Variants in STAU2 observed in about 807,000 individuals in gnomAD.
STAU2 encodes the protein double-stranded RNA-binding protein Staufen homolog 2.
STAU2 carries 20 observed loss-of-function variants against 65.9 expected under a neutral mutation model. That is an observed-to-expected ratio of 0.30 (90% confidence interval 0.21 to 0.44). STAU2 has a LOEUF of 0.44. STAU2 is among the 20% of genes least tolerant of loss of function. STAU2 has a pLI of 1.00. For missense variants in STAU2, 558 were observed against 683.9 expected, an observed-to-expected ratio of 0.82 and a Z score of 2.05; for synonymous variants, 232 against 233.9, an observed-to-expected ratio of 0.99 and a Z score of 0.07.
chr8:73,498,906 T>C (rs1585879668), intron 13 of STAU2, among the ~76,000 whole-genome samples: 1 of 152,002 alleles, frequency 6.6e-6, no homozygotes, highest in East Asian at 1.9e-4. Context: ...TAGATGTTCC[T>C]GTGAAGACAT....
Position 73,709,085 on chromosome 8 carries a change from T to C in STAU2, c.61A>G (p.Arg21Gly). ...AGAAGTTTATACTGGGGTTGGACTC[T>C]ATTGAAACGGGCTAACTCATTTACC... ...CLVNELARFN[R>G]VQPQYKLLNE... The change falls in exon 4 of 15, where the codon AGA becomes GGA. Residue 21 changes from arginine to glycine, a missense_variant. Coordinates refer to ENST00000524300, the MANE Select transcript of STAU2 (RefSeq NM_001164380.2). 1 of 1,533,966 alleles carries C rather than the reference T, an allele frequency of 6.5e-7. No individual in the cohort carries two copies.
chr8:73,699,176 G>T (rs1409277927), intron 4 of STAU2, among the ~76,000 whole-genome samples: 1 of 151,982 alleles, frequency 6.6e-6, no homozygotes, highest in Non-Finnish European at 1.5e-5. Context: ...AGCAAAAGCA[G>T]TACTCAGAGG....
chr8:73,639,247 T>C (rs1400645810), intron 6 of STAU2, among the ~76,000 whole-genome samples: 2 of 152,092 alleles, frequency 1.3e-5, no homozygotes, highest in South Asian at 2.1e-4. Flanking sequence ...TAATAGTATA[T>C]TTTATTCAAT....
In STAU2 at chr8:73,511,650, C is replaced by T. The variant is rs574755652; in HGVS notation, c.1530+40362G>A. ...TTGTCTTTGCCCACAACCACGTCCC[C>T]CACTTTTCCGCCCCTCCCATGTGGG... On this transcript the variant is annotated intron_variant, in intron 13 of 14. Transcript: ENST00000524300. 3.3e-5 allele frequency: 5 copies of T among 152,888 alleles called. No homozygotes were observed. The East Asian group carries it at 9.7e-4, about 30-fold the overall frequency. The allele number at this position is 152,888 out of a possible 1,614,324, so 9.5% of individuals were successfully genotyped here. A position where few individuals can be genotyped will look rare whatever the true frequency, so the allele number is the denominator to read the frequency against.
chr8:73,742,080 T>C (rs896363880), intron 1 of STAU2: 1 of 374,078 alleles, frequency 2.7e-6, no homozygotes, highest in Non-Finnish European at 3.7e-6. Flanking sequence ...AATTATACCA[T>C]GGACAATTCA....
At chr8:73,622,536 A>T (rs1229210124) in intron 6 of STAU2, among the ~76,000 whole-genome samples, 1 of 152,174 alleles carries the variant, frequency 6.6e-6, no homozygotes, top group African/African-American at 2.4e-5. Flanking sequence ...GTTGCTGGGA[A>T]CCAAATTTAA....
chr8:73,604,280 G>A (rs1811853298), intron 9 of STAU2, among the ~76,000 whole-genome samples: 1 of 152,074 alleles, frequency 6.6e-6, no homozygotes, highest in African/African-American at 2.4e-5. Context: ...CCAGGCTGGA[G>A]TGTGGTAGTG....
intron 13 of STAU2, among the ~76,000 whole-genome samples, chr8:73,464,513 A>G (rs1285979272): frequency 6.6e-6 from 1 of 152,212 alleles, no homozygotes; most frequent in Admixed American, 6.5e-5. Context: ...AGGCAGCTCC[A>G]TATAATAGAC....
intron 6 of STAU2, among the ~76,000 whole-genome samples, chr8:73,668,341 T>G (rs1817390360): frequency 6.6e-6 from 1 of 152,156 alleles, no homozygotes; most frequent in African/African-American, 2.4e-5. Flanking sequence ...CCAAGAGATA[T>G]CCCAGTTACA....
intron 5 of STAU2, among the ~76,000 whole-genome samples, chr8:73,687,878 AT>A (rs1819047998): frequency 6.6e-6 from 1 of 151,276 alleles, no homozygotes; most frequent in Admixed American, 6.6e-5. Flanking sequence ...TGTCCAGCTA[AT>A]TTTTTTGTAT....
chr8:73,711,493 CACT>C (rs1353360388), intron 3 of STAU2, among the ~76,000 whole-genome samples: 5 of 152,084 alleles, frequency 3.3e-5, no homozygotes, highest in South Asian at 2.1e-4. Context: ...TTTATACCAC[CACT>C]GTGTAATTTT....
intron 6 of STAU2, among the ~76,000 whole-genome samples, chr8:73,631,900 A>T (rs567317793): frequency 7.9e-5 from 12 of 152,102 alleles, no homozygotes; most frequent in African/African-American, 2.7e-4. Context: ...TACGATCCTA[A>T]ATCTTACCCA....
At chr8:73,736,593 G>C (rs945080567) in intron 3 of STAU2, among the ~76,000 whole-genome samples, 7 of 152,188 alleles carry the variant, frequency 4.6e-5, no homozygotes, top group Non-Finnish European at 8.8e-5. Context: ...AATCCCTGTA[G>C]CCAGAACAAC....
chr8:73,615,472 G>T (rs1401307150), intron 8 of STAU2, among the ~76,000 whole-genome samples: 1 of 151,888 alleles, frequency 6.6e-6, no homozygotes, highest in African/African-American at 2.4e-5. Context: ...GCTTAATACA[G>T]AAAAGAAAAA....
intron 5 of STAU2, among the ~76,000 whole-genome samples, chr8:73,676,946 A>C (rs532859602): frequency 2.6e-5 from 4 of 152,328 alleles, no homozygotes; most frequent in African/African-American, 9.6e-5. Flanking sequence ...GAGTATAGAA[A>C]GATATTTGCA....
chr8:73,526,042 T>G (rs1182873881), intron 13 of STAU2, among the ~76,000 whole-genome samples: 1 of 152,220 alleles, frequency 6.6e-6, no homozygotes, highest in Non-Finnish European at 1.5e-5. Context: ...CATATGTCAA[T>G]GTAAAACCCT....
intron 3 of STAU2, among the ~76,000 whole-genome samples, chr8:73,718,064 C>T (rs7814285): frequency 0.28 from 42,014 of 152,074 alleles, 6,308 homozygotes; most frequent in East Asian, 0.46. Context: ...TTATGTGAAT[C>T]AGCAATTATA....
chr8:73,605,874 C>CAT (rs1811984802), intron 9 of STAU2, among the ~76,000 whole-genome samples: 3 of 54,418 alleles, frequency 5.5e-5, no homozygotes, highest in East Asian at 6.4e-4. Flanking sequence ...CACACACACA[C>CAT]ACATACACAC....
chr8:73,591,211 A>G (rs1810747879), intron 11 of STAU2, among the ~76,000 whole-genome samples: 1 of 152,214 alleles, frequency 6.6e-6, no homozygotes, highest in African/African-American at 2.4e-5. Context: ...TACGGTTTGA[A>G]AAATATAGAA....
Sources: allele counts gnomAD v4.1 joint callset (sites outside exome capture counted in the v4.1 genomes callset), GRCh38; gene constraint gnomAD v4.1.1; transcripts MANE v1.5; gene names NCBI Gene and HGNC (gene_info 2026-07-23, HGNC 2026-07-21).